ULK4: variants seen among roughly 807,000 people sequenced by gnomAD.
ULK4 encodes the protein inactive serine/threonine-protein kinase ULK4.
In ULK4, 133 loss-of-function variants were observed where a neutral mutation model predicts 160.6. That is an observed-to-expected ratio of 0.83 (90% CI 0.72 to 0.96). ULK4 has a LOEUF of 0.96. ULK4 is among the 40% of genes least tolerant of loss of function. The pLI is 0.00. For missense variants in ULK4, 1,580 were observed against 1,499.5 expected (o/e 1.05, Z -0.89); for synonymous variants, 534 against 539.8 (o/e 0.99, Z 0.15).
chr3:41,614,362 C>T (rs909423485), intron 31 of ULK4, among the ~76,000 whole-genome samples: 2 of 152,190 alleles, frequency 1.3e-5, no homozygotes, highest in Non-Finnish European at 2.9e-5. Flanking sequence ...TGTGGCCAAA[C>T]TCAACAGTTT....
intron 17 of ULK4, among the ~76,000 whole-genome samples, chr3:41,838,056 T>C (rs1414089556): frequency 2.0e-5 from 3 of 152,226 alleles, no homozygotes; most frequent in African/African-American, 2.4e-5. Context: ...TGACCTTTGC[T>C]GATCATCTAC....
rs191122855 is a variant in ULK4, at chr3:41,709,537, C to A, written c.2635-4232G>T. On this transcript the variant is annotated intron_variant, in intron 25 of 36. Coordinates refer to ENST00000301831, the MANE Select transcript of ULK4 (RefSeq NM_017886.4). ...AAGTAGCTGGGACTACAGGCGCGCGCCACCACGCCCAGTTAATTTTTGTAC... is the reference window on the plus strand; with the variant it reads ...AAGTAGCTGGGACTACAGGCGCGCGACACCACGCCCAGTTAATTTTTGTAC... 5.4e-4 allele frequency among the ~76,000 whole-genome samples: 82 copies of A among 152,194 alleles called. 1 individual carries two copies. The highest frequency in any genetic ancestry group is 1.7e-3 in the African/African-American group (72 of 41,518).
intron 2 of ULK4, among the ~76,000 whole-genome samples, chr3:41,940,363 T>C (rs1168078939): frequency 6.6e-6 from 1 of 152,154 alleles, no homozygotes; most frequent in Non-Finnish European, 1.5e-5. Context: ...AAAGCCTTCT[T>C]CCCTGGCAAT....
intron 27 of ULK4, among the ~76,000 whole-genome samples, chr3:41,702,589 G>T (rs1320389634): frequency 1.3e-5 from 2 of 152,068 alleles, no homozygotes; most frequent in East Asian, 3.8e-4. Flanking sequence ...ATGTTAGAAT[G>T]GGACAAAGGA....
At chr3:41,435,506 T>C (rs2083013944) in intron 34 of ULK4, among the ~76,000 whole-genome samples, 1 of 152,228 alleles carries the variant, frequency 6.6e-6, no homozygotes, top group African/African-American at 2.4e-5. Context: ...ATAATATAGG[T>C]GTGGCCCAAA....
intron 32 of ULK4, among the ~76,000 whole-genome samples, chr3:41,563,055 G>T (rs2087654604): frequency 6.6e-6 from 1 of 152,156 alleles, no homozygotes; most frequent in Non-Finnish European, 1.5e-5. Flanking sequence ...AGGCAAGCCT[G>T]GTGGTGACAG....
In ULK4 at chr3:41,704,985, C is replaced by T. The variant is rs1325428663; in HGVS notation, c.2781+72G>A. On this transcript the variant is annotated intron_variant, in intron 27 of 36. Coordinates refer to ENST00000301831, the MANE Select transcript of ULK4 (RefSeq NM_017886.4). Reference sequence around the variant, plus strand: ...ACACATATGAGCCAAGCACTGTAAACGAGGCCTCTTTATATAAGGAATTAC... The same window carrying T: ...ACACATATGAGCCAAGCACTGTAAATGAGGCCTCTTTATATAAGGAATTAC... 2.5e-5 allele frequency: 31 copies of T among 1,221,844 alleles called. 1 individual carries two copies. Among genetic ancestry groups the T allele is most frequent in the African/African-American group, 4.6e-5 (3 of 65,884 alleles). The allele number at this position is 1,221,844 out of a possible 1,614,324, so 75.7% of individuals were successfully genotyped here. A position where few individuals can be genotyped will look rare whatever the true frequency, so the allele number is the denominator to read the frequency against.
intron 22 of ULK4, among the ~76,000 whole-genome samples, chr3:41,734,307 T>C (rs2037944723): frequency 6.6e-6 from 1 of 152,276 alleles, no homozygotes; most frequent in South Asian, 2.1e-4. Flanking sequence ...AGTAACTGCA[T>C]ATAGTGTTAC....
intron 17 of ULK4, among the ~76,000 whole-genome samples, chr3:41,837,191 T>C (rs1318502903): frequency 3.3e-5 from 5 of 152,352 alleles, no homozygotes; most frequent in Non-Finnish European, 7.3e-5. Context: ...AGTCATGCAC[T>C]GTAGGAGTAC....
intron 31 of ULK4, among the ~76,000 whole-genome samples, chr3:41,590,441 C>A (rs567805206): frequency 1.4e-5 from 2 of 141,844 alleles, no homozygotes; most frequent in Admixed American, 1.4e-4. Context: ...TATGGTAAAA[C>A]CCCGTCTCTA....
intron 32 of ULK4, among the ~76,000 whole-genome samples, chr3:41,518,943 A>G (rs2085839586): frequency 6.6e-6 from 1 of 152,210 alleles, no homozygotes; most frequent in African/African-American, 2.4e-5. Flanking sequence ...TCTGCTTTTC[A>G]TCTTGGAGAC....
intron 5 of ULK4, among the ~76,000 whole-genome samples, chr3:41,925,286 G>A (rs534656101): frequency 2.6e-5 from 4 of 152,124 alleles, no homozygotes; most frequent in South Asian, 2.1e-4. Context: ...TGCCTCACCC[G>A]GGAAGCGCTA....
chr3:41,791,931 T>A (rs886156427), intron 20 of ULK4, among the ~76,000 whole-genome samples: 1 of 152,184 alleles, frequency 6.6e-6, no homozygotes, highest in African/African-American at 2.4e-5. Flanking sequence ...ATTTCAAACA[T>A]ATACCAGGGA....
chr3:41,292,280 C>T (rs2079582097), intron 35 of ULK4, among the ~76,000 whole-genome samples: 3 of 152,158 alleles, frequency 2.0e-5, no homozygotes. Flanking sequence ...CAAAGCAATG[C>T]TTTGAGAAAG....
chr3:41,347,705 AT>A (rs1404256083), intron 35 of ULK4, among the ~76,000 whole-genome samples: 1 of 152,182 alleles, frequency 6.6e-6, no homozygotes, highest in Non-Finnish European at 1.5e-5. Flanking sequence ...GAAACTCGCC[AT>A]AGTGTCTCCA....
chr3:41,559,089 A>G (rs1452478699), intron 32 of ULK4, among the ~76,000 whole-genome samples: 14 of 142,930 alleles, frequency 9.8e-5, no homozygotes, highest in African/African-American at 3.7e-4. Context: ...ATATGTTCTC[A>G]TTGTTCAATT....
intron 35 of ULK4, among the ~76,000 whole-genome samples, chr3:41,379,388 T>C (rs1052305484): frequency 5.9e-5 from 9 of 152,288 alleles, no homozygotes; most frequent in Admixed American, 5.2e-4. Context: ...AGGGTCATGA[T>C]AGCAGCTTGC....
In ULK4 at chr3:41,302,425, C is replaced by T. The variant is rs1182106481; in HGVS notation, c.3679-52851G>A. On this transcript the variant is annotated intron_variant, in intron 35 of 36. Transcript: ENST00000301831. ...CCAGGAATCAGAGAGGAAAGGGATG[C>T]CAGCAGTCCTGCTTTTAAGTGCCAG... Among the ~76,000 whole-genome samples the T allele has an allele frequency of 3.3e-5, 5 of 152,092 alleles. No individual in the cohort carries two copies. The East Asian group carries it at 7.7e-4, about 23-fold the overall frequency.
intron 18 of ULK4, among the ~76,000 whole-genome samples, chr3:41,829,649 G>C (rs1484544647): frequency 1.3e-5 from 2 of 152,138 alleles, no homozygotes; most frequent in Admixed American, 6.5e-5. Context: ...GAAAACAACA[G>C]GTGCTGGAGA....
Sources: allele counts gnomAD v4.1 joint callset (sites outside exome capture counted in the v4.1 genomes callset), GRCh38; gene constraint gnomAD v4.1.1; transcripts MANE v1.5; gene names NCBI Gene and HGNC (gene_info 2026-07-23, HGNC 2026-07-21).